CNTROB: variants seen among roughly 807,000 people sequenced by gnomAD.
CNTROB encodes the protein centrobin, centriole duplication and spindle assembly protein.
CNTROB carries 82 observed loss-of-function variants against 115.7 expected under a neutral mutation model. That is an observed-to-expected ratio of 0.71 (90% CI 0.59 to 0.85). CNTROB has a LOEUF of 0.85. Ranked by LOEUF, CNTROB falls within the 40% of genes least tolerant of loss-of-function variation. CNTROB has a pLI of 0.00. For synonymous variants in CNTROB, 439 were observed against 456.4 expected (o/e 0.96, Z 0.49); for missense variants, 1,014 against 1,144.4 (o/e 0.89, Z 1.64).
chr17:7,937,396 GA>G (rs1404083248), intron 7 of CNTROB, 134 bp downstream of exon 7: 1 of 1,021,082 alleles, frequency 9.8e-7, no homozygotes, highest in African/African-American at 1.6e-5. Flanking sequence ...GTGTTCCTTA[GA>G]ACACTAATTC....
Position 7,937,266 on chromosome 17 carries a change from A to G in CNTROB, c.927+4A>G, listed in dbSNP as rs773543190. 6.2e-7 allele frequency: 1 copy of G among 1,614,026 alleles called. No homozygotes were observed. The highest frequency in any genetic ancestry group is 8.5e-7 in the Non-Finnish European group (1 of 1,179,932). On this transcript the variant is annotated splice_donor_region_variant and intron_variant, in intron 7 of 18. Coordinates refer to ENST00000563694, the MANE Select transcript of CNTROB (RefSeq NM_053051.5). The stretch of plus-strand genomic sequence containing the variant: ...GCAACGGGAAAGAGAGACACTGGTG[A>G]GAAGATTGGACTGGGTTAATTCCAC...
rs1381984297 is a variant in CNTROB, at chr17:7,947,609, C to T, written c.2032C>T (p.His678Tyr). Residue 678 changes from histidine to tyrosine, a missense_variant, in exon 14 of 19, where the codon CAT becomes TAT. Physicochemically the swap from His to Tyr is moderately conservative, Grantham distance 83. Transcript: ENST00000563694. ...FSALGAFHPD[H>Y]RAERPFPEED... Reference sequence around the variant, plus strand: ...TGCACTTGGGGCCTTCCATCCCGATCATAGGGCAGAAAGGCCATTCCCTGA... The same window carrying T: ...TGCACTTGGGGCCTTCCATCCCGATTATAGGGCAGAAAGGCCATTCCCTGA... 1.9e-6 allele frequency: 3 copies of T among 1,613,152 alleles called. No individual in the cohort carries two copies.
rs754592326 is a variant in CNTROB, at chr17:7,935,063, G to C, written c.512G>C (p.Ser171Thr). 4 of 1,614,202 alleles carry C rather than the reference G, an allele frequency of 2.5e-6. No individual in the cohort carries two copies. In the Admixed American group the frequency reaches 5.0e-5, roughly 20 times the overall value. Reference protein sequence around the residue: ...ALEELFPRYTSLRPGPPLNPP... With the variant: ...ALEELFPRYTTLRPGPPLNPP... ...GAGGAGCTGTTTCCCCGCTACACCA[G>C]CCTTCGGCCAGGGCCTCCACTCAAT... The change falls in exon 4 of 19, where the codon AGC becomes ACC. Residue 171 changes from serine (S) to threonine (T), a missense_variant. Transcript: ENST00000563694.
At chr17:7,946,487 G>A (rs1368133363) in intron 13 of CNTROB, among the ~76,000 whole-genome samples, 1 of 152,160 alleles carries the variant, frequency 6.6e-6, no homozygotes, top group Admixed American at 6.5e-5. Flanking sequence ...TGGGTGTGGT[G>A]TCCACCCCTA....
Position 7,944,040 on chromosome 17 carries a change from T to C in CNTROB, c.1446-83T>C. On this transcript the variant is annotated intron_variant, in intron 10 of 18. Transcript: ENST00000563694. The surrounding 1 kb of genome is among the most constrained non-coding windows in gnomAD (Gnocchi z 4.0). ...TGACTGGCTATCTGGGTCACTGTCATGTGCACACATGATGTCTTTTTCTCA... is the reference window on the plus strand; with the variant it reads ...TGACTGGCTATCTGGGTCACTGTCACGTGCACACATGATGTCTTTTTCTCA... 9.6e-7 allele frequency: 1 copy of C among 1,040,752 alleles called. No individual in the cohort carries two copies. Among genetic ancestry groups the C allele is most frequent in the Non-Finnish European group, 1.5e-6 (1 of 680,800 alleles). 64.5% of individuals were successfully genotyped at this position (1,040,752 alleles called of 1,614,324 possible).
At chr17:7,941,605 A>AC (rs989093464) in intron 9 of CNTROB, among the ~76,000 whole-genome samples, 4 of 151,020 alleles carry the variant, frequency 2.6e-5, no homozygotes, top group African/African-American at 9.8e-5. Flanking sequence ...TCTCAAAAAA[A>AC]AAAAAAAAAA....
Position 7,944,585 on chromosome 17 carries a change from T to TG in CNTROB, c.1684dup (p.Asp562GlyfsTer2). Reference sequence around the variant, plus strand: ...ACTGCAGGCCATGCTGCAGGCCCACTGGGATGAGGCCAACCAGCTGCTCAG... The same window carrying TG: ...ACTGCAGGCCATGCTGCAGGCCCACTGGGGATGAGGCCAACCAGCTGCTCAG... On this transcript the variant is annotated frameshift_variant, in exon 12 of 19. Transcript: ENST00000563694. LOFTEE classifies it high-confidence loss of function. This position sits in a 1 kb window ranked among gnomAD's most constrained non-coding sequence, Gnocchi z 4.0. 2 of 1,614,138 alleles carry TG rather than the reference T, an allele frequency of 1.2e-6. No homozygotes were observed. The highest frequency in any genetic ancestry group is 1.7e-6 in the Non-Finnish European group (2 of 1,179,996).
Position 7,944,450 on chromosome 17 carries a change from A to C in CNTROB, c.1572-26A>C. Reference sequence around the variant, plus strand: ...AGTATCTGCTTCCTTAAAGGCCCTGAGTCACTTCTTCTCTCTTTGCTTCAG... The same window carrying C: ...AGTATCTGCTTCCTTAAAGGCCCTGCGTCACTTCTTCTCTCTTTGCTTCAG... On this transcript the variant is annotated intron_variant, in intron 11 of 18. Coordinates refer to ENST00000563694, the MANE Select transcript of CNTROB (RefSeq NM_053051.5). The surrounding 1 kb of genome is among the most constrained non-coding windows in gnomAD (Gnocchi z 4.0). 1 of 1,608,586 alleles carries C rather than the reference A, an allele frequency of 6.2e-7. No individual in the cohort carries two copies. The highest frequency in any genetic ancestry group is 8.5e-7 in the Non-Finnish European group (1 of 1,175,794).
At chr17:7,934,634 T>C in intron 3 of CNTROB, 88 bp downstream of exon 3, 1 of 1,192,162 alleles carries the variant, frequency 8.4e-7, no homozygotes, top group Non-Finnish European at 1.2e-6. Context: ...ATTGCTTTTG[T>C]ACCTCTTAAG....
At chr17:7,942,596 CAAAAAAAAAAAAAAA>C (rs377086554) in intron 9 of CNTROB, among the ~76,000 whole-genome samples, 2 of 56,480 alleles carry the variant, frequency 3.5e-5, no homozygotes, top group East Asian at 5.8e-4. Context: ...GACTCCATCT[CAAAAAAAAAAAAAAA>C]AAAAAAAAAG....
intron 8 of CNTROB, 42 bp from the exon 9 acceptor site, chr17:7,940,054 A>G (rs957404629): frequency 1.3e-6 from 2 of 1,533,072 alleles, no homozygotes; most frequent in Non-Finnish European, 8.8e-7. Context: ...ACCAGGAGAT[A>G]AGAAATGAGG....
At chr17:7,942,870 C>T (rs1252345839) in intron 9 of CNTROB, among the ~76,000 whole-genome samples, 14 of 123,324 alleles carry the variant, frequency 1.1e-4, no homozygotes, top group South Asian at 2.9e-4. Flanking sequence ...GGCGCGATCT[C>T]GGCTCACTGC....
Position 7,933,093 on chromosome 17 carries a change from C to G in CNTROB, c.14C>G (p.Ala5Gly), listed in dbSNP as rs751981658. 8.7e-6 allele frequency: 14 copies of G among 1,613,918 alleles called. No homozygotes were observed. Among genetic ancestry groups the G allele is most frequent in the Non-Finnish European group, 1.1e-5 (13 of 1,179,898 alleles). The stretch of plus-strand genomic sequence containing the variant: ...TTCCCTGTATTCATGGCAACATCAG[C>G]TGACAGCCCCAGTTCACCCCTCGGG... MATS[A>G]DSPSSPLGAE... Residue 5 changes from alanine to glycine, a missense_variant, in exon 1 of 19, where the codon GCT (alanine) becomes GGT (glycine). Ala to Gly is a moderately conservative substitution (Grantham distance 60). Coordinates refer to ENST00000563694, the MANE Select transcript of CNTROB (RefSeq NM_053051.5).
chr17:7,943,621 A>G lies in CNTROB; in HGVS notation c.1445+97A>G. 7.5e-7 allele frequency: 1 copy of G among 1,338,572 alleles called. No individual in the cohort carries two copies. Among genetic ancestry groups the G allele is most frequent in the Non-Finnish European group, 1.0e-6 (1 of 987,942 alleles). The allele number at this position is 1,338,572 out of a possible 1,614,324, so 82.9% of individuals were successfully genotyped here. On this transcript the variant is annotated intron_variant, in intron 10 of 18. Transcript: ENST00000563694. The surrounding 1 kb of genome is among the most constrained non-coding windows in gnomAD (Gnocchi z 4.7). ...TTCAATCCCTTTGCCATGGTCCAGC[A>G]CTGTGACTCCCAGGGTGCGCTAACT... is the stretch of plus-strand genomic sequence containing the variant.
rs1211969189 is a variant in CNTROB at position 7,944,948 on chromosome 17, T to C, written c.1734+310T>C. Among the ~76,000 whole-genome samples, 1 of 152,192 alleles carries C rather than the reference T, an allele frequency of 6.6e-6. No homozygotes were observed. The highest frequency in any genetic ancestry group is 1.5e-5 in the Non-Finnish European group (1 of 68,030). ...TCAGGGGAGAAAAATCGGTGGACTTTACAAATAATAACTGCCTCAGCAAAA... is the reference window on the plus strand; with the variant it reads ...TCAGGGGAGAAAAATCGGTGGACTTCACAAATAATAACTGCCTCAGCAAAA... On this transcript the variant is annotated intron_variant, in intron 12 of 18. Coordinates refer to ENST00000563694, the MANE Select transcript of CNTROB (RefSeq NM_053051.5). The surrounding 1 kb of genome is among the most constrained non-coding windows in gnomAD (Gnocchi z 4.0).
chr17:7,948,103 T>A lies in CNTROB; in HGVS notation c.2210-54T>A. On this transcript the variant is annotated intron_variant, in intron 15 of 18. Transcript: ENST00000563694. The surrounding 1 kb of genome is among the most constrained non-coding windows in gnomAD (Gnocchi z 4.4). Reference sequence around the variant, plus strand: ...CCTTATAAATGCTGGGTGGTGGGACTTCCTTGGTTCTATGCCCCATTTCCT... The same window carrying A: ...CCTTATAAATGCTGGGTGGTGGGACATCCTTGGTTCTATGCCCCATTTCCT... 6.2e-7 allele frequency: 1 copy of A among 1,609,142 alleles called. No homozygotes were observed. The highest frequency in any genetic ancestry group is 8.5e-7 in the Non-Finnish European group (1 of 1,175,940).
intron 12 of CNTROB, chr17:7,945,494 C>G: frequency 2.0e-6 from 1 of 507,234 alleles, no homozygotes; most frequent in Non-Finnish European, 3.5e-6. Context: ...TGGGACTACA[C>G]ACACGTGCCA....
At position 7,939,729 on chromosome 17, in the gene CNTROB, G is replaced by A. The variant is rs1468504717; in HGVS notation, c.1144G>A (p.Ala382Thr). 1 of 1,614,112 alleles carries A rather than the reference G, an allele frequency of 6.2e-7. No homozygotes were observed. The highest frequency in any genetic ancestry group is 8.5e-7 in the Non-Finnish European group (1 of 1,180,034). ...HYQALQEESQ[A>T]QLEREKEKSQ... Reference sequence around the variant, plus strand: ...CCAGGCGCTGCAGGAGGAGAGCCAGGCTCAGCTGGAAAGGGAGAAGGTAAA... The same window carrying A: ...CCAGGCGCTGCAGGAGGAGAGCCAGACTCAGCTGGAAAGGGAGAAGGTAAA... The change falls in exon 8 of 19, where the codon GCT becomes ACT. Residue 382 changes from alanine to threonine, a missense_variant. By Grantham distance (58) the Ala-to-Thr change is moderately conservative (BLOSUM62 0). Transcript: ENST00000563694. This position sits in a 1 kb window ranked among gnomAD's most constrained non-coding sequence, Gnocchi z 4.4.
intron 3 of CNTROB, among the ~76,000 whole-genome samples, 168 bp downstream of exon 3, chr17:7,934,714 T>G (rs1401926353): frequency 6.6e-6 from 1 of 152,208 alleles, no homozygotes; most frequent in Admixed American, 6.5e-5. Context: ...CCTTTACTCC[T>G]TCAGGAACAC....
Sources: allele counts gnomAD v4.1 joint callset (sites outside exome capture counted in the v4.1 genomes callset), GRCh38; gene constraint gnomAD v4.1.1; non-coding constraint Gnocchi (gnomAD v3.1); transcripts MANE v1.5; gene names NCBI Gene and HGNC (gene_info 2026-07-23, HGNC 2026-07-21).